The following DOP1B variants were observed in gnomAD, a reference collection of about 807,000 sequenced individuals.
DOP1B encodes the protein protein DOP1B.
In DOP1B, 174 loss-of-function variants were observed where a neutral mutation model predicts 233.5. The observed-to-expected ratio is 0.75, with a 90% CI of 0.66 to 0.85. The LOEUF (loss-of-function observed/expected upper bound fraction) is 0.85. Among genes scored for constraint, DOP1B ranks in the 40% least tolerant of loss-of-function variants. DOP1B has a pLI of 0.00. For missense variants in DOP1B, 2,652 were observed against 2,846.6 expected (o/e 0.93, Z 1.56); for synonymous variants, 1,190 against 1,185.6 (o/e 1.00, Z -0.08).
At chr21:36,161,386 C>T (rs546654942) in intron 1 of DOP1B, among the ~76,000 whole-genome samples, 1 of 152,170 alleles carries the variant, frequency 6.6e-6, no homozygotes, top group Non-Finnish European at 1.5e-5. Flanking sequence ...ATCCACCCAC[C>T]TCGGCCTCCC....
Position 36,245,026 on chromosome 21 carries a change from T to C in DOP1B, c.3068-22T>C. 6.3e-7 allele frequency: 1 copy of C among 1,577,084 alleles called. No homozygotes were observed. Among genetic ancestry groups the C allele is most frequent in the Non-Finnish European group, 8.7e-7 (1 of 1,155,700 alleles). On this transcript the variant is annotated intron_variant, in intron 18 of 36. Coordinates refer to ENST00000691173, the MANE Select transcript of DOP1B (RefSeq NM_001320714.2). This position sits in a 1 kb window ranked among gnomAD's most constrained non-coding sequence, Gnocchi z 5.5. ...TAGCTGACCCTTCTGTCTAAAGTCA[T>C]TTGTCATCTTGTAATTTTCAGATGA... is the stretch of plus-strand genomic sequence containing the variant.
intron 2 of DOP1B, chr21:36,169,611 C>T: frequency 1.0e-6 from 1 of 960,248 alleles, no homozygotes. Context: ...AGCTTCTCAG[C>T]CATGGTGCCT....
intron 33 of DOP1B, 56 bp from the exon 34 acceptor site, chr21:36,288,700 T>A: frequency 7.7e-7 from 1 of 1,300,300 alleles, no homozygotes; most frequent in Non-Finnish European, 1.1e-6. Flanking sequence ...TAAAAAAAAA[T>A]ATTTGGGTAG....
intron 1 of DOP1B, among the ~76,000 whole-genome samples, chr21:36,163,406 G>A (rs917303288): frequency 2.2e-4 from 34 of 151,674 alleles, no homozygotes; most frequent in African/African-American, 8.2e-4. Context: ...GATTGGGTCT[G>A]GAGTGATCGG....
chr21:36,181,797 T>C (rs1281327546), intron 2 of DOP1B, among the ~76,000 whole-genome samples: 2 of 150,180 alleles, frequency 1.3e-5, no homozygotes, highest in Non-Finnish European at 2.9e-5. Context: ...AGCCGTGATT[T>C]GGGTGGGCTG....
At chr21:36,209,047 G>A in intron 5 of DOP1B, 143 bp downstream of exon 5, 1 of 943,738 alleles carries the variant, frequency 1.1e-6, no homozygotes, top group Non-Finnish European at 1.5e-6. Context: ...ACGAACGGCT[G>A]AGCAAGGCGA....
At chr21:36,242,981 CTTTT>C (rs35476479) in intron 18 of DOP1B, among the ~76,000 whole-genome samples, 5 of 127,182 alleles carry the variant, frequency 3.9e-5, no homozygotes, top group Admixed American at 7.9e-5. Context: ...TTCTTCTTTT[CTTTT>C]TTTTTTTTTT....
At chr21:36,291,476 C>G (rs975418523) in intron 35 of DOP1B, among the ~76,000 whole-genome samples, 1 of 152,104 alleles carries the variant, frequency 6.6e-6, no homozygotes, top group Non-Finnish European at 1.5e-5. Context: ...CAGAGAATTG[C>G]TTGAACCTGG....
chr21:36,277,559 G>A (rs1156924698), intron 28 of DOP1B, among the ~76,000 whole-genome samples: 1 of 152,094 alleles, frequency 6.6e-6, no homozygotes, highest in Non-Finnish European at 1.5e-5. Context: ...GGGATTACAG[G>A]CGTGACCCAC....
intron 27 of DOP1B, among the ~76,000 whole-genome samples, chr21:36,276,255 G>A (rs994872717): frequency 6.6e-6 from 1 of 152,142 alleles, no homozygotes; most frequent in Non-Finnish European, 1.5e-5. Flanking sequence ...TGTTGGCAGG[G>A]TGCAGTGGCT....
At chr21:36,201,933 C>T (rs557956342) in intron 4 of DOP1B, among the ~76,000 whole-genome samples, 18 of 152,000 alleles carry the variant, frequency 1.2e-4, no homozygotes, top group African/African-American at 3.9e-4. Context: ...ACCTGTAATC[C>T]CAGCACTTTG....
In DOP1B at chr21:36,212,015, C is replaced by T. The variant is rs145675378; in HGVS notation, c.822C>T (p.Ile274=). The T allele has an allele frequency of 1.4e-4, 231 of 1,614,022 alleles. 1 individual carries two copies. The highest frequency in any genetic ancestry group is 1.8e-4 in the Non-Finnish European group (211 of 1,179,966). The change falls in exon 7 of 37, where the codon ATC becomes ATT. Residue 274 remains isoleucine, a synonymous_variant. Coordinates refer to ENST00000691173, the MANE Select transcript of DOP1B (RefSeq NM_001320714.2). ...CCATCCCCCTCCTCAGATCTGACAT[C>T]GTGCGCATTCTCTCAGCCGCCACCC... ...ERAIPLLRSD[I]VRILSAATQT...
intron 2 of DOP1B, among the ~76,000 whole-genome samples, chr21:36,184,071 C>T (rs116798182): frequency 0.02 from 3,055 of 150,480 alleles, 73 homozygotes; most frequent in African/African-American, 0.067. Context: ...TTTTTTGAGA[C>T]AGAGTCATAC....
rs540149928 is a variant in DOP1B at position 36,172,981 on chromosome 21, A to G, written c.138+8110A>G. 5.9e-5 allele frequency among the ~76,000 whole-genome samples: 9 copies of G among 152,144 alleles called. No individual in the cohort carries two copies. In the South Asian group the frequency reaches 1.9e-3, roughly 32 times the overall value. On this transcript the variant is annotated intron_variant, in intron 2 of 36. Coordinates refer to ENST00000691173, the MANE Select transcript of DOP1B (RefSeq NM_001320714.2). ...TAAAAATAAAAAAAATTAGCCAGGC[A>G]TCGTGGCGAATGCCTGTAGTCCCAG...
In DOP1B at chr21:36,231,144, A is replaced by C; in HGVS notation, c.2350+10A>C. 1 of 1,564,366 alleles carries C rather than the reference A, an allele frequency of 6.4e-7. No individual in the cohort carries two copies. The highest frequency in any genetic ancestry group is 8.7e-7 in the Non-Finnish European group (1 of 1,152,360). ...CTCTTCCAGCTGCCAGGTGAGAGGC[A>C]GCCCTGCCGAAGTCCCTCTTTGGGA... On this transcript the variant is annotated intron_variant, in intron 14 of 36. Transcript: ENST00000691173.
In DOP1B at chr21:36,185,487, C is replaced by T. The variant is rs146906658; in HGVS notation, c.139-13583C>T. Reference sequence around the variant, plus strand: ...CACCATTGTTTTTCAAACCTAGGATCCTCCAAACTCAGTGCCACTCAGCCT... The same window carrying T: ...CACCATTGTTTTTCAAACCTAGGATTCTCCAAACTCAGTGCCACTCAGCCT... On this transcript the variant is annotated intron_variant, in intron 2 of 36. Transcript: ENST00000691173. 2.6e-5 allele frequency among the ~76,000 whole-genome samples: 4 copies of T among 152,242 alleles called. No individual in the cohort carries two copies. In the East Asian group the frequency reaches 7.7e-4, roughly 29 times the overall value.
chr21:36,162,178 C>T (rs1301376236), intron 1 of DOP1B, among the ~76,000 whole-genome samples: 1 of 152,138 alleles, frequency 6.6e-6, no homozygotes, highest in Non-Finnish European at 1.5e-5. Flanking sequence ...AACAGCCAGG[C>T]TCCCTTGGGT....
At chr21:36,171,650 G>T (rs185119561) in intron 2 of DOP1B, among the ~76,000 whole-genome samples, 1 of 152,128 alleles carries the variant, frequency 6.6e-6, no homozygotes, top group Non-Finnish European at 1.5e-5. Flanking sequence ...TCCTAGCAGC[G>T]GGGGGAGAGG....
Position 36,236,552 on chromosome 21 carries a change from G to A in DOP1B, c.2623-710G>A, listed in dbSNP as rs532540939. ...CAAACTCCCCAGAGGGTACATCTGT[G>A]CATTCCCCAGTGCCTGCTCGGCACC... On this transcript the variant is annotated intron_variant, in intron 15 of 36. Coordinates refer to ENST00000691173, the MANE Select transcript of DOP1B (RefSeq NM_001320714.2). 2.0e-5 allele frequency among the ~76,000 whole-genome samples: 3 copies of A among 152,246 alleles called. No individual in the cohort carries two copies. In the South Asian group the frequency reaches 6.2e-4, roughly 32 times the overall value.
Sources: allele counts gnomAD v4.1 joint callset (sites outside exome capture counted in the v4.1 genomes callset), GRCh38; gene constraint gnomAD v4.1.1; non-coding constraint Gnocchi (gnomAD v3.1); transcripts MANE v1.5; gene names NCBI Gene and HGNC (gene_info 2026-07-23, HGNC 2026-07-21).